KLF3: variants seen among roughly 807,000 people sequenced by gnomAD.
The protein encoded by KLF3 is Krueppel-like factor 3.
Under a neutral mutation model 32.7 loss-of-function variants are expected in KLF3, and 6 were observed. The observed-to-expected ratio is 0.18, with a 90% CI of 0.10 to 0.36. The LOEUF (loss-of-function observed/expected upper bound fraction) is 0.36, where lower values mean the gene tolerates loss of function less well. Among genes scored for constraint, KLF3 ranks in the 10% least tolerant of loss-of-function variants. KLF3 has a pLI of 1.00. For missense variants in KLF3, 338 were observed against 449.7 expected (o/e 0.75, Z 2.25); for synonymous variants, 145 against 172.8 (o/e 0.84, Z 1.26).
chr4:38,684,276 G>T (rs74398589), intron 2 of KLF3, among the ~76,000 whole-genome samples: 1 of 152,042 alleles, frequency 6.6e-6, no homozygotes, highest in East Asian at 1.9e-4. Context: ...TTTTTTCAAA[G>T]TTCAAAATAA....
chr4:38,679,146 A>G (rs1423099292), intron 1 of KLF3, among the ~76,000 whole-genome samples: 1 of 152,224 alleles, frequency 6.6e-6, no homozygotes, highest in East Asian at 1.9e-4. Flanking sequence ...CAATAGGCTC[A>G]TTTCCTAATG....
intron 2 of KLF3, among the ~76,000 whole-genome samples, chr4:38,684,474 A>G (rs2109248313): frequency 6.6e-6 from 1 of 151,806 alleles, no homozygotes; most frequent in South Asian, 2.1e-4. Context: ...AGTACATGTT[A>G]CAGACGGAAA....
Position 38,700,432 on chromosome 4 carries a change from T to C in KLF3, c.*3169T>C, listed in dbSNP as rs566892609. 1.3e-5 allele frequency: 2 copies of C among 152,350 alleles called. No individual in the cohort carries two copies. The highest frequency in any genetic ancestry group is 6.5e-5 in the Admixed American group (1 of 15,304). The allele number at this position is 152,350 out of a possible 1,614,324, so 9.4% of individuals were successfully genotyped here. On this transcript the variant is annotated 3_prime_UTR_variant, in exon 6 of 6. Transcript: ENST00000261438. ...TTTAAAATAATTTGGTTTGAAAATA[T>C]ACAGTTGTCTTGAAGGAATTGCTGT...
rs373345339 is a variant in KLF3, at chr4:38,674,161, A to G, written c.-39-6426A>G. Among the ~76,000 whole-genome samples the G allele has an allele frequency of 2.4e-4, 36 of 152,294 alleles. 1 individual carries two copies. The South Asian group carries it at 7.1e-3, about 30-fold the overall frequency. ...GGCATGAAAATTTCCAAGAATGTCTAGGTAGGAAATTCCAGGTAGGTGCCA... is the reference window on the plus strand; with the variant it reads ...GGCATGAAAATTTCCAAGAATGTCTGGGTAGGAAATTCCAGGTAGGTGCCA... On this transcript the variant is annotated intron_variant, in intron 1 of 5. Transcript: ENST00000261438. The surrounding 1 kb of genome is among the most constrained non-coding windows in gnomAD (Gnocchi z 4.1).
intron 4 of KLF3, 162 bp downstream of exon 4, chr4:38,690,041 A>C: frequency 1.7e-6 from 1 of 574,134 alleles, no homozygotes; most frequent in Non-Finnish European, 3.0e-6. Flanking sequence ...AGATGGGAGA[A>C]TCTCTCCAAA....
chr4:38,682,130 C>T (rs1291457672), intron 2 of KLF3, among the ~76,000 whole-genome samples: 1 of 152,274 alleles, frequency 6.6e-6, no homozygotes, highest in Non-Finnish European at 1.5e-5. Context: ...GTGACCTCAG[C>T]TCACTGCAAC....
chr4:38,692,662 C>T (rs902179684), intron 4 of KLF3, among the ~76,000 whole-genome samples: 5 of 152,130 alleles, frequency 3.3e-5, no homozygotes, highest in Non-Finnish European at 5.9e-5. Context: ...GGATTTGTAA[C>T]TGGAGCCCAC....
intron 1 of KLF3, among the ~76,000 whole-genome samples, chr4:38,678,892 C>G (rs190733640): frequency 6.6e-6 from 1 of 152,312 alleles, no homozygotes; most frequent in African/African-American, 2.4e-5. Context: ...CCAAATTTGG[C>G]TAATGAGTGC....
intron 4 of KLF3, among the ~76,000 whole-genome samples, chr4:38,693,888 A>G (rs1722962848): frequency 6.6e-6 from 1 of 152,152 alleles, no homozygotes; most frequent in Non-Finnish European, 1.5e-5. Flanking sequence ...AAAAGCTTAG[A>G]TTGTAAGATT....
intron 2 of KLF3, chr4:38,680,964 C>A: frequency 3.7e-6 from 1 of 268,018 alleles, no homozygotes; most frequent in Non-Finnish European, 7.6e-6. Context: ...GCAGGAGAGT[C>A]GCTTGAACCC....
At chr4:38,678,530 A>T (rs139233013) in intron 1 of KLF3, among the ~76,000 whole-genome samples, 1 of 152,214 alleles carries the variant, frequency 6.6e-6, no homozygotes, top group East Asian at 1.9e-4. Context: ...TATAATTTTG[A>T]AGTCAAGGCC....
At position 38,671,433 on chromosome 4, in the gene KLF3, G is replaced by C. The variant is rs911373142; in HGVS notation, c.-40+6972G>C. Among the ~76,000 whole-genome samples, 1 of 152,302 alleles carries C rather than the reference G, an allele frequency of 6.6e-6. No homozygotes were observed. The highest frequency in any genetic ancestry group is 1.9e-4 in the East Asian group (1 of 5,188). The stretch of plus-strand genomic sequence containing the variant: ...CTTTTGATCTTGCATCCAAGTGTGC[G>C]TACTGAGACAGGGTGGGCAGCAGGG... On this transcript the variant is annotated intron_variant, in intron 1 of 5. Coordinates refer to ENST00000261438, the MANE Select transcript of KLF3 (RefSeq NM_016531.6). The surrounding 1 kb of genome is among the most constrained non-coding windows in gnomAD (Gnocchi z 4.4).
chr4:38,683,692 A>G (rs1171336452), intron 2 of KLF3, among the ~76,000 whole-genome samples: 2 of 152,162 alleles, frequency 1.3e-5, no homozygotes, highest in South Asian at 2.1e-4. Flanking sequence ...GGAAGTGAGC[A>G]AGGAAACAAA....
intron 1 of KLF3, among the ~76,000 whole-genome samples, chr4:38,669,611 G>A (rs759771795): frequency 1.1e-4 from 16 of 151,964 alleles, no homozygotes; most frequent in African/African-American, 3.4e-4. Flanking sequence ...TAGTGTCCTC[G>A]GCCGGGCGCG....
rs1579138270 is a variant in KLF3 at position 38,700,511 on chromosome 4, A to C, written c.*3248A>C. 6.6e-6 allele frequency: 1 copy of C among 152,208 alleles called. No individual in the cohort carries two copies. The highest frequency in any genetic ancestry group is 1.5e-5 in the Non-Finnish European group (1 of 68,020). 9.4% of individuals were successfully genotyped at this position (152,208 alleles called of 1,614,324 possible). A position where few individuals can be genotyped will look rare whatever the true frequency, so the allele number is the denominator to read the frequency against. On this transcript the variant is annotated 3_prime_UTR_variant, in exon 6 of 6. Transcript: ENST00000261438. ...TATTCTCTTCTTGGTCAAGGTTAACAATTGCTAAATGATCGCAAATTCACC... is the reference window on the plus strand; with the variant it reads ...TATTCTCTTCTTGGTCAAGGTTAACCATTGCTAAATGATCGCAAATTCACC...
chr4:38,691,665 G>A (rs960414299), intron 4 of KLF3, among the ~76,000 whole-genome samples: 46 of 152,222 alleles, frequency 3.0e-4, no homozygotes, highest in Non-Finnish European at 5.3e-4. Flanking sequence ...CTCAAGCTCA[G>A]TGGCTTTTAA....
chr4:38,678,509 A>G (rs1722417955), intron 1 of KLF3, among the ~76,000 whole-genome samples: 2 of 152,216 alleles, frequency 1.3e-5, no homozygotes, highest in Non-Finnish European at 2.9e-5. Flanking sequence ...ACACCCTGTG[A>G]TGGAGGAAAA....
At chr4:38,672,980 A>G (rs1722242655) in intron 1 of KLF3, among the ~76,000 whole-genome samples, 1 of 152,146 alleles carries the variant, frequency 6.6e-6, no homozygotes, top group Non-Finnish European at 1.5e-5. Context: ...AGAGGCAGGA[A>G]CAAGGAGGGG....
chr4:38,683,339 T>C (rs910176823), intron 2 of KLF3, among the ~76,000 whole-genome samples: 5 of 152,332 alleles, frequency 3.3e-5, no homozygotes, highest in Admixed American at 2.0e-4. Flanking sequence ...TTTGTGCTTT[T>C]GCTATAGGTT....
Sources: allele counts gnomAD v4.1 joint callset (sites outside exome capture counted in the v4.1 genomes callset), GRCh38; gene constraint gnomAD v4.1.1; non-coding constraint Gnocchi (gnomAD v3.1); transcripts MANE v1.5; gene names NCBI Gene and HGNC (gene_info 2026-07-23, HGNC 2026-07-21).